ANKFN1: variants seen among roughly 807,000 people sequenced by gnomAD.
The protein encoded by ANKFN1 is ankyrin repeat and fibronectin type III domain containing 1.
ANKFN1 carries 74 observed loss-of-function variants against 108.7 expected under a neutral mutation model. That is an observed-to-expected ratio of 0.68 (90% confidence interval 0.56 to 0.83). The LOEUF is 0.83. Among genes scored for constraint, ANKFN1 ranks in the 40% least tolerant of loss-of-function variants. The pLI, the probability that ANKFN1 is intolerant of heterozygous loss-of-function variation, is 0.00. For synonymous variants in ANKFN1, 547 were observed against 516.2 expected, an observed-to-expected ratio of 1.06 and a Z score of -0.81; for missense variants, 1,505 against 1,382.3, an observed-to-expected ratio of 1.09 and a Z score of -1.41.
At chr17:56,356,171 G>A (rs1396122260) in intron 6 of ANKFN1, among the ~76,000 whole-genome samples, 1 of 152,048 alleles carries the variant, frequency 6.6e-6, no homozygotes, top group African/African-American at 2.4e-5. Flanking sequence ...ATAATATCAT[G>A]CAGCACTCAC....
rs193114357 is a variant in ANKFN1, at chr17:56,145,277, G to A, written c.289-82640G>A. ...TGTCAGACCAACAGACAGACATAAA[G>A]GGAGTCAGAAAAATAGAATGTTTTT... On this transcript the variant is annotated intron_variant, in intron 4 of 12. Coordinates refer to the ANKFN1 transcript ENST00000635860. Among the ~76,000 whole-genome samples the A allele has an allele frequency of 1.5e-3, 236 of 152,302 alleles. 1 individual carries two copies. The highest frequency in any genetic ancestry group is 5.6e-3 in the African/African-American group (233 of 41,578).
rs535004808 is a variant in ANKFN1 at position 56,516,716 on chromosome 17, G to T, written c.*5447G>T. Among the ~76,000 whole-genome samples the T allele has an allele frequency of 6.6e-6, 1 of 152,130 alleles. No individual in the cohort carries two copies. Among genetic ancestry groups the T allele is most frequent in the South Asian group, 2.1e-4 (1 of 4,826 alleles). ...TTTATAAGAGGTCAGGGATAAATGA[G>T]AATTAAGTTAATTTTTCTAATGGCA... On this transcript the variant is annotated 3_prime_UTR_variant, in exon 21 of 21. Transcript: ENST00000682825.
At chr17:56,048,407 A>G (rs989047136) in intron 4 of ANKFN1, among the ~76,000 whole-genome samples, 4 of 152,120 alleles carry the variant, frequency 2.6e-5, no homozygotes, top group South Asian at 2.1e-4. Flanking sequence ...ACGTGTTTCT[A>G]TTTTCCAAAA....
At chr17:56,288,114 A>G (rs115129905) in intron 3 of ANKFN1, among the ~76,000 whole-genome samples, 246 of 152,082 alleles carry the variant, frequency 1.6e-3, no homozygotes, top group African/African-American at 5.8e-3. Context: ...ACAATGCACA[A>G]TTTCCATTTT....
intron 2 of ANKFN1, among the ~76,000 whole-genome samples, chr17:56,218,798 T>C (rs1915628477): frequency 6.6e-6 from 1 of 152,204 alleles, no homozygotes; most frequent in South Asian, 2.1e-4. Flanking sequence ...ATATTACAAG[T>C]TCTGAAAAAA....
intron 3 of ANKFN1, among the ~76,000 whole-genome samples, chr17:56,242,080 C>G (rs1236483694): frequency 5.3e-5 from 8 of 151,078 alleles, no homozygotes; most frequent in Non-Finnish European, 1.0e-4. Context: ...CCGCTGTTAA[C>G]TTAAACCACA....
At chr17:56,308,058 A>G (rs947095788) in intron 3 of ANKFN1, among the ~76,000 whole-genome samples, 1 of 152,128 alleles carries the variant, frequency 6.6e-6, no homozygotes, top group African/African-American at 2.4e-5. Context: ...GGACGCAGGA[A>G]GGGGAACATC....
chr17:56,257,395 G>A (rs2043385085), intron 3 of ANKFN1, among the ~76,000 whole-genome samples: 1 of 152,234 alleles, frequency 6.6e-6, no homozygotes, highest in Non-Finnish European at 1.5e-5. Flanking sequence ...GATGTGCTAT[G>A]CATCTGGTTA....
chr17:56,398,037 G>A (rs562095848), intron 8 of ANKFN1, among the ~76,000 whole-genome samples: 87 of 152,228 alleles, frequency 5.7e-4, no homozygotes, highest in African/African-American at 2.0e-3. Context: ...AGGTCTTCCT[G>A]TTGTATTCTT....
At chr17:56,097,647 T>C (rs1905559440) in intron 4 of ANKFN1, among the ~76,000 whole-genome samples, 1 of 152,224 alleles carries the variant, frequency 6.6e-6, no homozygotes, top group Non-Finnish European at 1.5e-5. Context: ...TCAGTTCATA[T>C]CACTCTTCTG....
At chr17:56,137,495 C>T (rs16956731) in intron 4 of ANKFN1, among the ~76,000 whole-genome samples, 1,761 of 152,246 alleles carry the variant, frequency 0.012, 33 homozygotes, top group African/African-American at 0.039. Flanking sequence ...TTGACAGTGG[C>T]TTGTGGCTAG....
intron 8 of ANKFN1, among the ~76,000 whole-genome samples, chr17:56,383,857 G>C (rs1410964961): frequency 6.6e-6 from 1 of 152,102 alleles, no homozygotes; most frequent in Non-Finnish European, 1.5e-5. Flanking sequence ...CAACCAAAGA[G>C]TCCAGGACCA....
chr17:56,253,696 C>G (rs1026226586), intron 3 of ANKFN1, among the ~76,000 whole-genome samples: 2 of 152,056 alleles, frequency 1.3e-5, no homozygotes, highest in Admixed American at 6.6e-5. Context: ...CCGAGATCAC[C>G]CCGCTGCACT....
rs141248082 is a variant in ANKFN1, at chr17:56,227,006, T to G, written c.13-911T>G. ...GAAAAACATCGGTCACTGAAGTAACTAATCTGACCTATCCAGATCAGTGTG... is the reference window on the plus strand; with the variant it reads ...GAAAAACATCGGTCACTGAAGTAACGAATCTGACCTATCCAGATCAGTGTG... On this transcript the variant is annotated intron_variant, in intron 2 of 20. Coordinates refer to ENST00000682825, the MANE Select transcript of ANKFN1 (RefSeq NM_001370326.1). Among the ~76,000 whole-genome samples the G allele has an allele frequency of 2.0e-5, 3 of 152,256 alleles. No homozygotes were observed. In the East Asian group the frequency reaches 5.8e-4, roughly 29 times the overall value.
intron 8 of ANKFN1, among the ~76,000 whole-genome samples, chr17:56,408,944 G>A (rs1476929762): frequency 1.4e-5 from 2 of 145,980 alleles, no homozygotes; most frequent in Admixed American, 1.4e-4. Context: ...TTTTTTTTGA[G>A]ATGGAGTTTT....
intron 4 of ANKFN1, among the ~76,000 whole-genome samples, chr17:56,114,397 G>A (rs530321846): frequency 6.6e-6 from 1 of 152,254 alleles, no homozygotes; most frequent in African/African-American, 2.4e-5. Flanking sequence ...TAGTAATCAG[G>A]GAAAAACAAA....
Position 56,055,581 on chromosome 17 carries a change from ATATATATG to A in ANKFN1, c.288+9264_288+9271del, listed in dbSNP as rs1306205637. On this transcript the variant is annotated intron_variant, in intron 4 of 12. Coordinates refer to the ANKFN1 transcript ENST00000635860. ...GGTATATATACATATATATATATAT[ATATATATG>A]TATATATACACATTTTTTTATCCAG... Among the ~76,000 whole-genome samples, 105 of 111,048 alleles carry A rather than the reference ATATATATG, an allele frequency of 9.5e-4. 20 individuals carry two copies. The highest frequency in any genetic ancestry group is 2.3e-3 in the African/African-American group (50 of 21,854). The allele number at this position is 111,048 out of a possible 152,430, so 72.9% of individuals were successfully genotyped here.
At chr17:56,137,676 G>T (rs1391202015) in intron 4 of ANKFN1, among the ~76,000 whole-genome samples, 1 of 152,020 alleles carries the variant, frequency 6.6e-6, no homozygotes, top group African/African-American at 2.4e-5. Flanking sequence ...CATATCAATT[G>T]CAATAAAGGG....
chr17:56,047,897 T>C (rs1904706817), intron 4 of ANKFN1, among the ~76,000 whole-genome samples: 1 of 152,186 alleles, frequency 6.6e-6, no homozygotes, highest in South Asian at 2.1e-4. Flanking sequence ...ATATGAATAA[T>C]CTGATGCCTG....
Sources: gnomAD v4.1 joint callset for allele counts (sites outside exome capture counted in the v4.1 genomes callset) on GRCh38, gnomAD v4.1.1 for gene constraint, MANE v1.5 for transcripts, NCBI Gene and HGNC (gene_info 2026-07-23, HGNC 2026-07-21) for gene names.